Variants in WDPCP observed in about 807,000 individuals in gnomAD.
WDPCP encodes WD repeat containing planar cell polarity effector.
Under a neutral mutation model 93.1 loss-of-function variants are expected in WDPCP, and 71 were observed. The ratio of observed to expected loss-of-function variants is 0.76; its 90% confidence interval spans 0.63 to 0.93. The LOEUF is 0.93. Among genes scored for constraint, WDPCP ranks in the 40% least tolerant of loss-of-function variants. The pLI is 0.00. For missense variants in WDPCP, 844 were observed against 887.4 expected (o/e 0.95, Z 0.62); for synonymous variants, 315 against 315.0 (o/e 1.00, Z 0.00).
At chr2:63,438,261 TA>T (rs1697269673) in intron 7 of WDPCP, among the ~76,000 whole-genome samples, 1 of 152,032 alleles carries the variant, frequency 6.6e-6, no homozygotes, top group Non-Finnish European at 1.5e-5. Flanking sequence ...GTTCCTAGCA[TA>T]AAGAAATTAT....
intron 14 of WDPCP, among the ~76,000 whole-genome samples, chr2:63,195,441 G>A (rs1027446412): frequency 6.6e-6 from 1 of 152,068 alleles, no homozygotes; most frequent in Non-Finnish European, 1.5e-5. Flanking sequence ...GACAACATGG[G>A]TTTGAACTGC....
intron 10 of WDPCP, among the ~76,000 whole-genome samples, chr2:63,384,669 T>C (rs1692584926): frequency 1.3e-5 from 2 of 151,910 alleles, no homozygotes; most frequent in African/African-American, 2.4e-5. Context: ...GAGGACTGCT[T>C]GAGCCCAAGA....
At chr2:63,633,362 A>C (rs896507794) in intron 3 of WDPCP, among the ~76,000 whole-genome samples, 20 of 152,214 alleles carry the variant, frequency 1.3e-4, no homozygotes, top group Admixed American at 1.3e-3. Context: ...AGGTTTAAAG[A>C]CAAAAGCATT....
intron 3 of WDPCP, among the ~76,000 whole-genome samples, chr2:63,621,686 T>C (rs964516377): frequency 1.3e-5 from 2 of 152,082 alleles, no homozygotes; most frequent in Non-Finnish European, 2.9e-5. Flanking sequence ...ACCACTAAGA[T>C]ACTCCTAAAA....
In WDPCP at chr2:63,247,760, G is replaced by A. The variant is rs13407650; in HGVS notation, c.1915+11547C>T. On this transcript the variant is annotated intron_variant, in intron 14 of 17. Transcript: ENST00000272321. ...ATTTCAGACAGTGAACAGTTAACCC[G>A]TAATTACTGAGAGAAGGACTTATGT... Among the ~76,000 whole-genome samples, 136 of 151,114 alleles carry A rather than the reference G, an allele frequency of 9.0e-4. 3 individuals are homozygous for A. The South Asian group carries it at 0.025, about 27-fold the overall frequency.
chr2:63,191,626 C>T (rs1675050206), intron 14 of WDPCP, among the ~76,000 whole-genome samples: 2 of 152,116 alleles, frequency 1.3e-5, no homozygotes, highest in African/African-American at 2.4e-5. Flanking sequence ...CCACTTCATC[C>T]CAGTCCCCAT....
chr2:63,155,330 C>T (rs1461157638), intron 15 of WDPCP, among the ~76,000 whole-genome samples: 1 of 151,942 alleles, frequency 6.6e-6, no homozygotes, highest in Non-Finnish European at 1.5e-5. Flanking sequence ...GTTTGAGATT[C>T]TTTGTGTGTC....
At chr2:63,256,211 T>C (rs936472618) in intron 14 of WDPCP, among the ~76,000 whole-genome samples, 1 of 152,128 alleles carries the variant, frequency 6.6e-6, no homozygotes, top group Non-Finnish European at 1.5e-5. Context: ...ATTTTGAGAT[T>C]TATATGGAAG....
intron 13 of WDPCP, among the ~76,000 whole-genome samples, chr2:63,290,397 T>C (rs920189750): frequency 6.6e-6 from 1 of 152,094 alleles, no homozygotes; most frequent in Non-Finnish European, 1.5e-5. Flanking sequence ...TCATTTCTTG[T>C]AGACATAATT....
intron 2 of WDPCP, among the ~76,000 whole-genome samples, chr2:63,812,143 G>A (rs998162246): frequency 1.3e-5 from 2 of 152,134 alleles, no homozygotes; most frequent in Admixed American, 6.5e-5. Flanking sequence ...GGGATTACAG[G>A]CATGAGCCAC....
chr2:63,618,861 G>T (rs1311214737), intron 3 of WDPCP, among the ~76,000 whole-genome samples: 2 of 152,012 alleles, frequency 1.3e-5, no homozygotes, highest in African/African-American at 4.8e-5. Flanking sequence ...AGCTAATTTT[G>T]TATTTTTAGT....
At chr2:63,679,638 C>T (rs1369153783) in intron 2 of WDPCP, among the ~76,000 whole-genome samples, 1 of 152,112 alleles carries the variant, frequency 6.6e-6, no homozygotes, top group Non-Finnish European at 1.5e-5. Flanking sequence ...TAGTCACTGG[C>T]TGACAGCAAG....
chr2:63,571,746 A>G, intron 1 of WDPCP: 1 of 407,212 alleles, frequency 2.5e-6, no homozygotes, highest in South Asian at 1.9e-5. Context: ...ATCAGGTGAA[A>G]GATGAACTAC....
At chr2:63,569,400 A>AT (rs900081520) in intron 1 of WDPCP, among the ~76,000 whole-genome samples, 33 of 151,596 alleles carry the variant, frequency 2.2e-4, no homozygotes, top group African/African-American at 6.5e-4. Context: ...AGATACATGT[A>AT]TTTTTTTTTC....
At chr2:63,218,675 G>GCCCAGC (rs1559214811) in intron 14 of WDPCP, among the ~76,000 whole-genome samples, 18 of 152,014 alleles carry the variant, frequency 1.2e-4, no homozygotes, top group African/African-American at 3.1e-4. Context: ...GACTAAAGGC[G>GCCCAGC]TGCGACACTA....
intron 12 of WDPCP, among the ~76,000 whole-genome samples, chr2:63,336,445 G>A (rs570469642): frequency 1.3e-5 from 2 of 152,232 alleles, no homozygotes; most frequent in South Asian, 2.1e-4. Context: ...AATCTTAGGC[G>A]GAAACCACTC....
intron 17 of WDPCP, among the ~76,000 whole-genome samples, chr2:63,147,193 T>C (rs1438926782): frequency 2.0e-5 from 3 of 152,126 alleles, no homozygotes; most frequent in Non-Finnish European, 4.4e-5. Context: ...CTTTATCCTA[T>C]GGGGTTTTAG....
At chr2:63,401,773 C>T (rs1345966269) in intron 10 of WDPCP, among the ~76,000 whole-genome samples, 1 of 152,098 alleles carries the variant, frequency 6.6e-6, no homozygotes, top group Non-Finnish European at 1.5e-5. Context: ...CCACTGCACT[C>T]CAGCCTGGGT....
chr2:63,381,770 A>C, intron 11 of WDPCP, 136 bp downstream of exon 11: 1 of 863,232 alleles, frequency 1.2e-6, no homozygotes. Context: ...TGATCCTTTC[A>C]GTTTTAATAG....
Sources: allele counts gnomAD v4.1 joint callset (sites outside exome capture counted in the v4.1 genomes callset), GRCh38; gene constraint gnomAD v4.1.1; transcripts MANE v1.5; gene names NCBI Gene and HGNC (gene_info 2026-07-23, HGNC 2026-07-21).